The following ZNF277 variants were observed in gnomAD, a reference collection of about 807,000 sequenced individuals.
The protein encoded by ZNF277 is nuclear receptor-interacting factor 4.
A neutral mutation model predicts 60.7 loss-of-function variants in ZNF277; 55 were observed. The observed-to-expected ratio is 0.91, with a 90% CI of 0.73 to 1.13. ZNF277 has a LOEUF of 1.13. Ranked by LOEUF, ZNF277 falls within the 50% of genes most tolerant of loss-of-function variation. The probability of loss-of-function intolerance (pLI) is 0.00; values close to 1 mark genes in which losing one functional copy is unlikely to be tolerated. For missense variants in ZNF277, 510 were observed against 523.0 expected (o/e 0.98, Z 0.24); for synonymous variants, 178 against 179.3 (o/e 0.99, Z 0.06).
At chr7:112,283,899 A>G (rs561968763) in intron 1 of ZNF277, among the ~76,000 whole-genome samples, 30 of 152,346 alleles carry the variant, frequency 2.0e-4, no homozygotes, top group Admixed American at 1.6e-3. Flanking sequence ...GTCAGAGTAC[A>G]TATAAAGACA....
intron 7 of ZNF277, among the ~76,000 whole-genome samples, chr7:112,330,735 C>T (rs1563231608): frequency 6.6e-6 from 1 of 151,774 alleles, no homozygotes; most frequent in Non-Finnish European, 1.5e-5. Flanking sequence ...ACTGGGATTA[C>T]ACCACACTTG....
Position 112,253,929 on chromosome 7 carries a change from CTT to C in ZNF277, c.92-32941_92-32940del, listed in dbSNP as rs536452083. 6.6e-5 allele frequency among the ~76,000 whole-genome samples: 10 copies of C among 152,304 alleles called. No homozygotes were observed. In the South Asian group the frequency reaches 1.5e-3, roughly 22 times the overall value. On this transcript the variant is annotated intron_variant, in intron 1 of 11. Transcript: ENST00000361822. The stretch of plus-strand genomic sequence containing the variant: ...ATTATTATTATTCATCAGTTCTCCT[CTT>C]TTCATTCACTTGTGTACTGATGACT...
At chr7:112,264,580 G>T (rs945224289) in intron 1 of ZNF277, among the ~76,000 whole-genome samples, 1 of 151,986 alleles carries the variant, frequency 6.6e-6, no homozygotes, top group Non-Finnish European at 1.5e-5. Context: ...GGTGTGGAAA[G>T]TTATTTGTAG....
chr7:112,303,726 A>G (rs1792531515), intron 4 of ZNF277, among the ~76,000 whole-genome samples: 1 of 151,914 alleles, frequency 6.6e-6, no homozygotes, highest in African/African-American at 2.4e-5. Flanking sequence ...TTGTACGTCT[A>G]CCTTTTTTCA....
intron 1 of ZNF277, among the ~76,000 whole-genome samples, chr7:112,279,332 A>G (rs1031306535): frequency 3.3e-5 from 5 of 152,190 alleles, no homozygotes; most frequent in African/African-American, 1.2e-4. Context: ...ACACAAGGTT[A>G]TCAATGTATC....
intron 1 of ZNF277, among the ~76,000 whole-genome samples, chr7:112,274,445 C>T (rs1410893280): frequency 6.6e-6 from 1 of 152,194 alleles, no homozygotes; most frequent in Non-Finnish European, 1.5e-5. Flanking sequence ...GCATGAGCCA[C>T]AGCACCCTGC....
At chr7:112,258,399 T>G (rs1054869049) in intron 1 of ZNF277, among the ~76,000 whole-genome samples, 6 of 152,106 alleles carry the variant, frequency 3.9e-5, no homozygotes, top group Non-Finnish European at 8.8e-5. Context: ...TGTATATGTC[T>G]TAACTACTGC....
intron 4 of ZNF277, among the ~76,000 whole-genome samples, chr7:112,299,335 C>G (rs1399418722): frequency 6.6e-6 from 1 of 152,164 alleles, no homozygotes; most frequent in Non-Finnish European, 1.5e-5. Context: ...ACTTTTTCTT[C>G]TTCTATCAAG....
At chr7:112,233,534 T>A (rs1268826813) in intron 1 of ZNF277, among the ~76,000 whole-genome samples, 1 of 152,214 alleles carries the variant, frequency 6.6e-6, no homozygotes, top group East Asian at 1.9e-4. Context: ...AGCAGCACTG[T>A]CATGGGAACT....
chr7:112,298,841 G>C (rs1792410924), intron 4 of ZNF277, among the ~76,000 whole-genome samples: 1 of 152,206 alleles, frequency 6.6e-6, no homozygotes. Flanking sequence ...ATGAGGTGCA[G>C]AGCTAGAGTT....
At chr7:112,290,602 C>T (rs558400444) in intron 2 of ZNF277, among the ~76,000 whole-genome samples, 2 of 152,148 alleles carry the variant, frequency 1.3e-5, no homozygotes, top group South Asian at 4.2e-4. Flanking sequence ...GTCAACTGTC[C>T]TTCTAATTAA....
At chr7:112,208,674 ATTTT>A (rs869082099) in intron 1 of ZNF277, among the ~76,000 whole-genome samples, 55 of 72,802 alleles carry the variant, frequency 7.6e-4, no homozygotes, top group African/African-American at 2.6e-3. Flanking sequence ...GTATGATTTG[ATTTT>A]TTTTTTTTTT....
Position 112,304,959 on chromosome 7 carries a change from C to T in ZNF277, c.465+8648C>T, listed in dbSNP as rs117450857. Among the ~76,000 whole-genome samples the T allele has an allele frequency of 4.6e-3, 706 of 152,290 alleles. 11 individuals carry two copies. In the Middle Eastern group the frequency reaches 0.048, roughly 10 times the overall value. ...CATGCCTCTCTGAGCCACTCTCCCA[C>T]GTCTCTCTCACCCACTTTCTCCTGT... is the stretch of plus-strand genomic sequence containing the variant. On this transcript the variant is annotated intron_variant, in intron 4 of 11. Coordinates refer to ENST00000361822, the MANE Select transcript of ZNF277 (RefSeq NM_021994.3).
At position 112,223,021 on chromosome 7, in the gene ZNF277, A is replaced by G. The variant is rs552426498; in HGVS notation, c.91+16214A>G. On this transcript the variant is annotated intron_variant, in intron 1 of 11. Transcript: ENST00000361822. ...CGTACTCCAAGTTCTTCAGTTTTGGAACTCGGACTGGTTCTCCTTGCTCTT... is the reference window on the plus strand; with the variant it reads ...CGTACTCCAAGTTCTTCAGTTTTGGGACTCGGACTGGTTCTCCTTGCTCTT... 7.9e-5 allele frequency among the ~76,000 whole-genome samples: 12 copies of G among 152,298 alleles called. No individual in the cohort carries two copies. The East Asian group carries it at 2.3e-3, about 29-fold the overall frequency.
intron 1 of ZNF277, among the ~76,000 whole-genome samples, chr7:112,208,744 G>C (rs919334755): frequency 7.3e-6 from 1 of 136,260 alleles, no homozygotes; most frequent in Admixed American, 8.4e-5. Flanking sequence ...GCAGTGGCGC[G>C]ATCTCGGCTC....
chr7:112,239,675 G>T (rs1159769320), intron 1 of ZNF277, among the ~76,000 whole-genome samples: 3 of 152,122 alleles, frequency 2.0e-5, no homozygotes, highest in Admixed American at 2.0e-4. Context: ...CATGCTAAAG[G>T]GAGTTATTCA....
chr7:112,281,640 C>T (rs1791947155), intron 1 of ZNF277, among the ~76,000 whole-genome samples: 1 of 152,170 alleles, frequency 6.6e-6, no homozygotes, highest in Non-Finnish European at 1.5e-5. Context: ...GGACTACGCA[C>T]AATCTCAGGC....
chr7:112,207,886 A>G (rs563733236), intron 1 of ZNF277, among the ~76,000 whole-genome samples: 270 of 152,316 alleles, frequency 1.8e-3, no homozygotes, highest in Non-Finnish European at 2.9e-3. Context: ...AAATTATTTT[A>G]GTACCTCTAC....
intron 1 of ZNF277, among the ~76,000 whole-genome samples, chr7:112,235,268 T>C (rs1344302155): frequency 6.6e-6 from 1 of 152,134 alleles, no homozygotes; most frequent in Non-Finnish European, 1.5e-5. Context: ...ATGTTTTCAC[T>C]TCTCTTGGAT....
Sources: allele counts gnomAD v4.1 joint callset (sites outside exome capture counted in the v4.1 genomes callset), GRCh38; gene constraint gnomAD v4.1.1; transcripts MANE v1.5; gene names NCBI Gene and HGNC (gene_info 2026-07-23, HGNC 2026-07-21).